ASAH1: variants seen among roughly 807,000 people sequenced by gnomAD.
ASAH1 encodes the protein acid ceramidase.
In ASAH1, 70 loss-of-function variants were observed where a neutral mutation model predicts 59.5. That is an observed-to-expected ratio of 1.18 (90% CI 0.97 to 1.43). The LOEUF is 1.43. ASAH1 is among the 40% of genes most tolerant of loss of function. ASAH1 has a pLI of 0.00. For missense variants in ASAH1, 660 were observed against 482.5 expected (o/e 1.37, Z -3.45); for synonymous variants, 213 against 166.5 (o/e 1.28, Z -2.15).
chr8:18,063,237 G>A lies in ASAH1; in HGVS notation c.458-7C>T, dbSNP rs780486908. 2 of 1,612,356 alleles carry A rather than the reference G, an allele frequency of 1.2e-6. No homozygotes were observed. Among genetic ancestry groups the A allele is most frequent in the Non-Finnish European group, 1.7e-6 (2 of 1,178,598 alleles). On this transcript the variant is annotated splice_region_variant and splice_polypyrimidine_tract_variant and intron_variant, in intron 6 of 13. Transcript: ENST00000637790. ...CTCCCATGTATTAGATGACCTATTTGAAGGTAGACAGAAGAGACGTGTAAT... is the reference window on the plus strand; with the variant it reads ...CTCCCATGTATTAGATGACCTATTTAAAGGTAGACAGAAGAGACGTGTAAT...
intron 1 of ASAH1, chr8:18,083,396 T>A (rs913019479): frequency 1.3e-5 from 2 of 155,176 alleles, no homozygotes; most frequent in Admixed American, 6.4e-5. Context: ...AGTTAGGAAG[T>A]CCGTAGCCCT....
intron 5 of ASAH1, chr8:18,065,143 A>G (rs1799877450): frequency 6.6e-6 from 1 of 151,908 alleles, no homozygotes; most frequent in Non-Finnish European, 1.5e-5. Flanking sequence ...TGTGTATTTT[A>G]TTTCCATTAA....
chr8:18,057,502 C>CA lies in ASAH1; in HGVS notation c.*31dup, dbSNP rs1324446332. The CA allele has an allele frequency of 6.5e-7, 1 of 1,530,764 alleles. No homozygotes were observed. The highest frequency in any genetic ancestry group is 1.4e-5 in the African/African-American group (1 of 72,834). The allele number at this position is 1,530,764 out of a possible 1,614,324, so 94.8% of individuals were successfully genotyped here. A position where few individuals can be genotyped will look rare whatever the true frequency, so the allele number is the denominator to read the frequency against. ...ACATGGAGATGGTGTCTTCATGTCT[C>CA]AGAGGCCGCATTCTGTAGGCCAGAC... On this transcript the variant is annotated 3_prime_UTR_variant, in exon 14 of 14. Coordinates refer to ENST00000637790, the MANE Select transcript of ASAH1 (RefSeq NM_177924.5).
At chr8:18,071,886 C>A (rs1470672177) in intron 2 of ASAH1, among the ~76,000 whole-genome samples, 1 of 152,168 alleles carries the variant, frequency 6.6e-6, no homozygotes, top group Non-Finnish European at 1.5e-5. Context: ...ATTATCTTCC[C>A]ACGATCAGCT....
chr8:18,077,967 C>T (rs1459982153), intron 1 of ASAH1, among the ~76,000 whole-genome samples: 1 of 152,168 alleles, frequency 6.6e-6, no homozygotes, highest in Non-Finnish European at 1.5e-5. Context: ...TAAGACCCTG[C>T]TCCATTAGTG....
At chr8:18,072,596 T>A (rs1283694714) in intron 2 of ASAH1, among the ~76,000 whole-genome samples, 4 of 152,210 alleles carry the variant, frequency 2.6e-5, no homozygotes, top group Admixed American at 2.0e-4. Context: ...AAGTTCCCCA[T>A]TTTCTTAGGA....
intron 5 of ASAH1, 157 bp downstream of exon 5, chr8:18,067,063 T>C: frequency 4.7e-6 from 1 of 213,890 alleles, no homozygotes. Flanking sequence ...CATGCATGCA[T>C]TTCTGAAGCT....
At chr8:18,077,495 C>G (rs146804808) in intron 1 of ASAH1, among the ~76,000 whole-genome samples, 157 of 152,298 alleles carry the variant, frequency 1.0e-3, no homozygotes, top group African/African-American at 3.7e-3. Flanking sequence ...CAGAGGCTAA[C>G]TCTTCAGTCA....
chr8:18,073,634 G>C (rs1431147900), intron 2 of ASAH1, among the ~76,000 whole-genome samples: 3 of 152,328 alleles, frequency 2.0e-5, no homozygotes, highest in Admixed American at 6.5e-5. Flanking sequence ...GATTTGACTA[G>C]TCATGCTGGC....
intron 1 of ASAH1, among the ~76,000 whole-genome samples, chr8:18,078,511 G>A (rs560036662): frequency 2.6e-5 from 4 of 152,204 alleles, no homozygotes; most frequent in South Asian, 2.1e-4. Context: ...TGGCATGAAC[G>A]CCTAAGTCGT....
intron 8 of ASAH1, 100 bp from the exon 9 acceptor site, chr8:18,061,840 G>A: frequency 2.7e-6 from 3 of 1,111,060 alleles, no homozygotes; most frequent in Non-Finnish European, 4.0e-6. Flanking sequence ...GGCCTAGCTT[G>A]GGTAATGGGG....
At chr8:18,073,987 T>C (rs1800284547) in intron 2 of ASAH1, among the ~76,000 whole-genome samples, 1 of 152,218 alleles carries the variant, frequency 6.6e-6, no homozygotes, top group Non-Finnish European at 1.5e-5. Flanking sequence ...TAGGTATGTA[T>C]GCACATAGGT....
intron 5 of ASAH1, chr8:18,066,739 A>G (rs1160620059): frequency 6.4e-6 from 1 of 157,434 alleles, no homozygotes; most frequent in East Asian, 1.7e-4. Flanking sequence ...TATCCAGAAA[A>G]TGAGTACCCA....
Position 18,071,704 on chromosome 8 carries a change from A to ATT in ASAH1, c.126-316_126-315dup, listed in dbSNP as rs11463653. Among the ~76,000 whole-genome samples, 413 of 150,432 alleles carry ATT rather than the reference A, an allele frequency of 2.7e-3. 2 individuals are homozygous for ATT. Among genetic ancestry groups the ATT allele is most frequent in the East Asian group, 0.019 (95 of 5,110 alleles). ...TTATCACTGACGGGAAATACCTGCC[A>ATT]TTTTTTTTTTCTCCTAAATATCTGC... On this transcript the variant is annotated intron_variant, in intron 2 of 13. Transcript: ENST00000637790.
upstream of ASAH1, chr8:18,084,850 G>A: frequency 6.2e-7 from 1 of 1,605,176 alleles, no homozygotes. Flanking sequence ...GGTGGGCGGA[G>A]CAGAGCTCAG....
intron 12 of ASAH1, 96 bp downstream of exon 12, chr8:18,059,245 C>T (rs1319027917): frequency 7.0e-6 from 11 of 1,575,362 alleles, no homozygotes; most frequent in South Asian, 1.1e-5. Flanking sequence ...AAAAATAGGA[C>T]GTTTATAAAT....
At chr8:18,071,217 A>G in intron 3 of ASAH1, 83 bp downstream of exon 3, 2 of 803,074 alleles carry the variant, frequency 2.5e-6, no homozygotes, top group Non-Finnish European at 3.3e-6. Flanking sequence ...AAAACAAAAA[A>G]AAAATCAATC....
intron 3 of ASAH1, among the ~76,000 whole-genome samples, chr8:18,071,015 T>G (rs1307944686): frequency 6.6e-6 from 1 of 152,002 alleles, no homozygotes; most frequent in South Asian, 2.1e-4. Flanking sequence ...TGAGATCAGC[T>G]TGGACAACAT....
intron 7 of ASAH1, chr8:18,062,868 CTTTTTTTTTT>C (rs10562212): frequency 2.8e-5 from 5 of 181,696 alleles, no homozygotes; most frequent in Non-Finnish European, 5.4e-5. Context: ...GTTCTGTGTT[CTTTTTTTTTT>C]TTTTTTTTTT....
Sources: allele counts gnomAD v4.1 joint callset (sites outside exome capture counted in the v4.1 genomes callset), GRCh38; gene constraint gnomAD v4.1.1; transcripts MANE v1.5; gene names NCBI Gene and HGNC (gene_info 2026-07-23, HGNC 2026-07-21).